ARK2N: variants seen among roughly 807,000 people sequenced by gnomAD.
ARK2N encodes the protein arkadia (RNF111) N-terminal like PKA signaling regulator 2N, also known as protein ARK2N.
the ARK2N span, among the ~76,000 whole-genome samples, chr18:46,187,562 G>C: frequency 3.3e-5 from 5 of 151,974 alleles, no homozygotes; most frequent in Non-Finnish European, 7.4e-5. Context: ...GGCTGGTCTT[G>C]AACTCCCTAC....
chr18:46,227,977 A>G, the ARK2N span, among the ~76,000 whole-genome samples: 1 of 152,080 alleles, frequency 6.6e-6, no homozygotes, highest in Non-Finnish European at 1.5e-5. Context: ...TTGAACACCA[A>G]GCAACTTACA....
the ARK2N span, among the ~76,000 whole-genome samples, chr18:46,249,266 G>A: frequency 2.7e-3 from 408 of 152,080 alleles, 2 homozygotes; most frequent in Non-Finnish European, 2.6e-3. Context: ...GTCTTGCTCT[G>A]TCACCCAGGC....
At chr18:46,204,738 G>A in the ARK2N span, among the ~76,000 whole-genome samples, 29 of 152,156 alleles carry the variant, frequency 1.9e-4, no homozygotes, top group African/African-American at 6.7e-4. Flanking sequence ...ACTTAGAAAC[G>A]TATCATTTAA....
the ARK2N span, among the ~76,000 whole-genome samples, chr18:46,188,203 T>C: frequency 2.6e-5 from 4 of 152,070 alleles, no homozygotes; most frequent in African/African-American, 7.2e-5. Context: ...TAAAATCTTA[T>C]ATATATATAT....
At chr18:46,228,163 T>G in the ARK2N span, among the ~76,000 whole-genome samples, 17 of 152,332 alleles carry the variant, frequency 1.1e-4, no homozygotes, top group South Asian at 3.5e-3. Flanking sequence ...ACTGACTGAA[T>G]TTTAATGAAT....
the ARK2N span, among the ~76,000 whole-genome samples, chr18:46,224,371 T>TA: frequency 2.0e-5 from 3 of 151,580 alleles, no homozygotes; most frequent in Non-Finnish European, 2.9e-5. Flanking sequence ...CCATAAGAAT[T>TA]AAAAAAAAAT....
the ARK2N span, among the ~76,000 whole-genome samples, chr18:46,198,172 G>A: frequency 6.6e-6 from 1 of 151,700 alleles, no homozygotes; most frequent in Non-Finnish European, 1.5e-5. Flanking sequence ...TATGGTGGTG[G>A]CGCCTGTAGT....
the ARK2N span, among the ~76,000 whole-genome samples, chr18:46,176,628 A>ATT: frequency 5.0e-4 from 72 of 144,778 alleles, no homozygotes; most frequent in Admixed American, 6.9e-4. Context: ...CTAATTTTTA[A>ATT]TTTTTTTTTT....
the ARK2N span, among the ~76,000 whole-genome samples, chr18:46,181,487 G>A: frequency 1.6e-5 from 1 of 62,312 alleles, no homozygotes; most frequent in Admixed American, 1.5e-4. Flanking sequence ...AGGCTGAGGC[G>A]GCGGATCATG....
At chr18:46,255,788 C>T in the ARK2N span, among the ~76,000 whole-genome samples, 4 of 151,628 alleles carry the variant, frequency 2.6e-5, no homozygotes, top group East Asian at 1.9e-4. Context: ...CTCCCTATTC[C>T]GGTGGGAAAT....
At chr18:46,252,611 A>G in the ARK2N span, among the ~76,000 whole-genome samples, 1 of 150,788 alleles carries the variant, frequency 6.6e-6, no homozygotes, top group East Asian at 1.9e-4. Flanking sequence ...TGTTGTGTAG[A>G]TTTTTTTTTT....
the ARK2N span, among the ~76,000 whole-genome samples, chr18:46,244,251 G>A: frequency 6.6e-6 from 1 of 152,144 alleles, no homozygotes; most frequent in East Asian, 1.9e-4. Flanking sequence ...GGGGCAAGAA[G>A]AAGCAGAAGT....
the ARK2N span, among the ~76,000 whole-genome samples, chr18:46,176,946 T>G: frequency 6.6e-6 from 1 of 152,130 alleles, no homozygotes; most frequent in African/African-American, 2.4e-5. Flanking sequence ...AGATGGAGTC[T>G]CCCTATGTTG....
At chr18:46,197,963 A>G in the ARK2N span, among the ~76,000 whole-genome samples, 1 of 151,884 alleles carries the variant, frequency 6.6e-6, no homozygotes, top group Non-Finnish European at 1.5e-5. Context: ...GCTGTGTGTA[A>G]TCTGTTACTT....
the ARK2N span, among the ~76,000 whole-genome samples, chr18:46,189,212 CAAAAAAAAAAAAA>C: frequency 1.2e-5 from 1 of 86,906 alleles, no homozygotes; most frequent in Non-Finnish European, 2.2e-5. Flanking sequence ...GAGACTGTCT[CAAAAAAAAAAAAA>C]AAAAAAAAAA....
the ARK2N span, among the ~76,000 whole-genome samples, chr18:46,219,724 C>A: frequency 2.0e-5 from 3 of 152,126 alleles, no homozygotes. Flanking sequence ...CTTGCCTTGG[C>A]CTCCCAAGTG....
chr18:46,196,354 C>G, the ARK2N span, among the ~76,000 whole-genome samples: 1 of 151,486 alleles, frequency 6.6e-6, no homozygotes, highest in Non-Finnish European at 1.5e-5. Flanking sequence ...CTCTGCCTGC[C>G]GGGTTCATTC....
chr18:46,226,610 A>C, the ARK2N span, among the ~76,000 whole-genome samples: 1 of 152,172 alleles, frequency 6.6e-6, no homozygotes, highest in Admixed American at 6.5e-5. Context: ...AGAAAATACC[A>C]CAGGATTGAA....
chr18:46,239,094 TAAAA>T, the ARK2N span, among the ~76,000 whole-genome samples: 9 of 152,160 alleles, frequency 5.9e-5, no homozygotes, highest in African/African-American at 2.2e-4. Flanking sequence ...ACGTTTTTCT[TAAAA>T]AAGGGGTAGA....
Sources: gnomAD v4.1 joint callset for allele counts (sites outside exome capture counted in the v4.1 genomes callset) on GRCh38, gnomAD v4.1.1 for gene constraint, MANE v1.5 for transcripts, NCBI Gene and HGNC (gene_info 2026-07-23, HGNC 2026-07-21) for gene names.